The following ZNF536 variants were observed in gnomAD, a reference collection of about 807,000 sequenced individuals.
ZNF536 encodes the protein zinc finger protein 536.
ZNF536 carries 13 observed loss-of-function variants against 84.5 expected under a neutral mutation model. The observed-to-expected ratio is 0.15, with a 90% CI of 0.10 to 0.24. ZNF536 has a LOEUF of 0.24. Among genes scored for constraint, ZNF536 ranks in the 10% least tolerant of loss-of-function variants. The pLI, the probability that ZNF536 is intolerant of heterozygous loss-of-function variation, is 1.00. For synonymous variants in ZNF536, 811 were observed against 742.5 expected, an observed-to-expected ratio of 1.09 and a Z score of -1.50; for missense variants, 1,536 against 1,747.5, an observed-to-expected ratio of 0.88 and a Z score of 2.16.
chr19:30,552,723 C>G (rs1031203049), intron 4 of ZNF536, among the ~76,000 whole-genome samples: 1 of 152,210 alleles, frequency 6.6e-6, no homozygotes, highest in Non-Finnish European at 1.5e-5. Flanking sequence ...CAATGGATTC[C>G]TAACTCTGGT....
intron 2 of ZNF536, among the ~76,000 whole-genome samples, chr19:30,453,436 C>T (rs1464230039): frequency 6.6e-6 from 1 of 152,204 alleles, no homozygotes; most frequent in Non-Finnish European, 1.5e-5. Context: ...TTTGCTTACT[C>T]TCTTCACCTA....
chr19:30,661,269 C>G (rs148571542), intron 1 of ZNF536, among the ~76,000 whole-genome samples: 1 of 152,194 alleles, frequency 6.6e-6, no homozygotes, highest in Non-Finnish European at 1.5e-5. Context: ...TTGACTGACT[C>G]TCTTAATTTA....
chr19:30,593,161 C>T (rs1487084352), intron 1 of ZNF536, among the ~76,000 whole-genome samples: 4 of 152,248 alleles, frequency 2.6e-5, no homozygotes, highest in South Asian at 2.1e-4. Context: ...TACCTCGCTC[C>T]GGCCTCTTTC....
At chr19:30,452,476 G>T (rs78219274) in intron 2 of ZNF536, among the ~76,000 whole-genome samples, 2 of 152,228 alleles carry the variant, frequency 1.3e-5, no homozygotes, top group Non-Finnish European at 2.9e-5. Context: ...TCTCAAAGGG[G>T]TGGGGACAGG....
intron 4 of ZNF536, chr19:30,556,201 C>T (rs2045959761): frequency 6.6e-6 from 1 of 152,252 alleles, no homozygotes; most frequent in South Asian, 2.1e-4. Context: ...TGACATTAGA[C>T]CCCAGGAGGG....
chr19:30,560,580 C>A (rs1431049044), downstream of ZNF536, among the ~76,000 whole-genome samples: 5 of 152,128 alleles, frequency 3.3e-5, no homozygotes, highest in African/African-American at 1.2e-4. Flanking sequence ...GGATAAGAGA[C>A]CACCCCCCCG....
At chr19:30,329,134 C>T (rs116321887) in intron 2 of ZNF536, among the ~76,000 whole-genome samples, 1,580 of 152,288 alleles carry the variant, frequency 0.01, 35 homozygotes, top group African/African-American at 0.035. Context: ...GAGTCCCTCT[C>T]GGGCTCTCAG....
chr19:30,694,848 G>C (rs1319438801), intron 1 of ZNF536, among the ~76,000 whole-genome samples: 2 of 152,120 alleles, frequency 1.3e-5, no homozygotes, highest in Non-Finnish European at 2.9e-5. Context: ...AGGGTGGGCC[G>C]TGCCATCCCA....
chr19:30,524,108 G>A (rs2044477151), intron 2 of ZNF536, among the ~76,000 whole-genome samples: 1 of 152,174 alleles, frequency 6.6e-6, no homozygotes, highest in Non-Finnish European at 1.5e-5. Context: ...CATCACGAAT[G>A]CCTCCATGCC....
chr19:30,374,195 T>C (rs925343106), intron 1 of ZNF536, among the ~76,000 whole-genome samples: 3 of 152,132 alleles, frequency 2.0e-5, no homozygotes, highest in African/African-American at 7.2e-5. Context: ...AAGAGTTTTT[T>C]TTTCAATAAG....
chr19:30,596,466 G>A (rs962900998), intron 1 of ZNF536, among the ~76,000 whole-genome samples: 1 of 152,208 alleles, frequency 6.6e-6, no homozygotes, highest in South Asian at 2.1e-4. Flanking sequence ...AGCCATTGGG[G>A]CAGGTGTCTC....
In ZNF536 at chr19:30,350,873, C is replaced by T. The variant is rs528546269; in HGVS notation, c.-119-1495C>T. ...TATTAGTATGTGTCACAGTTGTTAG[C>T]AGGCTATACACACAATGGTGCTTCA... is the stretch of plus-strand genomic sequence containing the variant. On this transcript the variant is annotated intron_variant, in intron 2 of 5. Coordinates refer to the ZNF536 transcript ENST00000585628. 2.6e-5 allele frequency among the ~76,000 whole-genome samples: 4 copies of T among 152,328 alleles called. No homozygotes were observed. The South Asian group carries it at 6.2e-4, about 24-fold the overall frequency.
chr19:30,629,292 C>T (rs929608002), intron 1 of ZNF536, among the ~76,000 whole-genome samples: 13 of 152,140 alleles, frequency 8.5e-5, no homozygotes, highest in South Asian at 2.1e-4. Context: ...TCGACCTCCT[C>T]GGGTTCAGGT....
chr19:30,551,878 T>C (rs531842226), intron 4 of ZNF536, among the ~76,000 whole-genome samples: 4 of 152,298 alleles, frequency 2.6e-5, no homozygotes, highest in Non-Finnish European at 4.4e-5. Flanking sequence ...GGCCTGACTC[T>C]GCCAGTTCTC....
chr19:30,427,023 A>G (rs1470521673), intron 1 of ZNF536, among the ~76,000 whole-genome samples: 3 of 152,192 alleles, frequency 2.0e-5, no homozygotes, highest in African/African-American at 7.2e-5. Context: ...TCTGACACCT[A>G]CTAAATTTCT....
At chr19:30,375,044 A>C (rs1009550319) in intron 1 of ZNF536, among the ~76,000 whole-genome samples, 1 of 151,822 alleles carries the variant, frequency 6.6e-6, no homozygotes, top group Non-Finnish European at 1.5e-5. Flanking sequence ...GAAATGGGAC[A>C]TGATGGCATT....
At chr19:30,414,380 T>TA (rs2050625409) in intron 1 of ZNF536, among the ~76,000 whole-genome samples, 1 of 152,228 alleles carries the variant, frequency 6.6e-6, no homozygotes, top group Non-Finnish European at 1.5e-5. Context: ...TTTACTAATA[T>TA]GTTTAGTTTT....
At chr19:30,661,539 ATG>A (rs2050123224) in intron 1 of ZNF536, among the ~76,000 whole-genome samples, 1 of 152,212 alleles carries the variant, frequency 6.6e-6, no homozygotes, top group African/African-American at 2.4e-5. Flanking sequence ...TAGGTATAAA[ATG>A]TGTGTTCCCT....
intron 1 of ZNF536, among the ~76,000 whole-genome samples, chr19:30,610,532 T>C (rs923779436): frequency 2.0e-5 from 3 of 152,210 alleles, no homozygotes; most frequent in Admixed American, 2.0e-4. Context: ...GGGTGAGGTA[T>C]TCCCATTCAA....
Sources: allele counts gnomAD v4.1 joint callset (sites outside exome capture counted in the v4.1 genomes callset), GRCh38; gene constraint gnomAD v4.1.1; transcripts MANE v1.5; gene names NCBI Gene and HGNC (gene_info 2026-07-23, HGNC 2026-07-21).